SCRIB: variants seen among roughly 807,000 people sequenced by gnomAD.
SCRIB encodes scribble planar cell polarity protein.
A neutral mutation model predicts 170.0 loss-of-function variants in SCRIB; 72 were observed. The observed-to-expected ratio is 0.42, with a 90% CI of 0.35 to 0.52. SCRIB has a LOEUF of 0.52. SCRIB is among the 20% of genes least tolerant of loss of function. The pLI is 0.02. For synonymous variants in SCRIB, 1,298 were observed against 1,044.3 expected, an observed-to-expected ratio of 1.24 and a Z score of -4.68; for missense variants, 2,475 against 2,338.5, an observed-to-expected ratio of 1.06 and a Z score of -1.20.
At chr8:143,804,357 T>C (rs1483745669) in intron 21 of SCRIB, among the ~76,000 whole-genome samples, 3 of 152,230 alleles carry the variant, frequency 2.0e-5, no homozygotes, top group Non-Finnish European at 4.4e-5. Context: ...ACTGTGGCCA[T>C]GTGGCCAGCC....
At position 143,813,467 on chromosome 8, in the gene SCRIB, C is replaced by CA; in HGVS notation, c.503+2dup. 6.2e-7 allele frequency: 1 copy of CA among 1,613,274 alleles called. No homozygotes were observed. Among genetic ancestry groups the CA allele is most frequent in the Non-Finnish European group, 8.5e-7 (1 of 1,179,998 alleles). The stretch of plus-strand genomic sequence containing the variant: ...CTGTTAGGAGAATGCCTGTCACACT[C>CA]ACGCTGGCAGGGACTTGAGCAGGTT... On this transcript the variant is annotated splice_region_variant and intron_variant, in intron 5 of 36. Coordinates refer to ENST00000356994, the MANE Select transcript of SCRIB (RefSeq NM_182706.5).
At chr8:143,808,506 C>T (rs1426297507) in intron 15 of SCRIB, 103 bp downstream of exon 15, 1 of 1,395,548 alleles carries the variant, frequency 7.2e-7, no homozygotes, top group Non-Finnish European at 9.5e-7. Flanking sequence ...TCCGGGTGGC[C>T]AGGGGCCAGT....
intron 9 of SCRIB, among the ~76,000 whole-genome samples, chr8:143,811,973 A>G (rs1473649433): frequency 6.6e-6 from 1 of 152,182 alleles, no homozygotes; most frequent in African/African-American, 2.4e-5. Flanking sequence ...CTACAGACAA[A>G]TAAGTTCCCA....
chr8:143,805,582 C>T (rs1815389654), intron 18 of SCRIB, 147 bp from the exon 19 acceptor site: 1 of 826,242 alleles, frequency 1.2e-6, no homozygotes, highest in Non-Finnish European at 1.8e-6. Flanking sequence ...CACCCGAGAC[C>T]TTTAGCCACA....
intron 9 of SCRIB, 148 bp from the exon 10 acceptor site, chr8:143,811,493 C>A (rs1587543991): frequency 5.8e-6 from 4 of 689,580 alleles, no homozygotes; most frequent in Non-Finnish European, 9.8e-6. Context: ...AGGACCTGAC[C>A]ACAGAAGCTG....
chr8:143,806,076 C>G (rs1815411623), intron 18 of SCRIB, among the ~76,000 whole-genome samples: 1 of 152,306 alleles, frequency 6.6e-6, no homozygotes, highest in South Asian at 2.1e-4. Flanking sequence ...TCGGTCAGCC[C>G]AGGAGCGGCC....
chr8:143,804,913 C>CGGGGGGGGGGGGGGGGGGGGGGGGG, intron 20 of SCRIB, 21 bp downstream of exon 20: 1 of 444,104 alleles, frequency 2.3e-6, no homozygotes, highest in East Asian at 1.9e-4. Context: ...GTGGGTGGGG[C>CGGGGGGGGGGGGGGGGGGGGGGGGG]GGGGCCCCAT....
rs782209733 is a variant in SCRIB, at chr8:143,792,844, G to C, written c.4041C>G (p.Ala1347=). 7.8e-6 allele frequency: 12 copies of C among 1,532,352 alleles called. No individual in the cohort carries two copies. Among genetic ancestry groups the C allele is most frequent in the Non-Finnish European group, 9.6e-6 (11 of 1,142,362 alleles). 94.9% of individuals were successfully genotyped at this position (1,532,352 alleles called of 1,614,324 possible). A position where few individuals can be genotyped will look rare whatever the true frequency, so the allele number is the denominator to read the frequency against. ...CCCGGAAGGACAGCTGCTCCGGGGA[G>C]GCTGCAGGCCCAGGCGTGGGGGGCT... ...PAQPPTPGPA[A]SPEQLSFRER... is the part of the protein sequence containing the mutation. Residue 1347 remains alanine, a synonymous_variant, in exon 30 of 37, where the codon GCC becomes GCG. Transcript: ENST00000356994.
rs199518054 is a variant in SCRIB, at chr8:143,811,198, G to A, written c.1054C>T (p.Pro352Ser). ...LRDNRLAVLP[P>S]ELAHTTELHV... ...AGCTCTGTCGTGTGGGCCAGCTCTGGTGGCAGGACGGCCAGGCGGTTGTCC... is the reference window on the plus strand; with the variant it reads ...AGCTCTGTCGTGTGGGCCAGCTCTGATGGCAGGACGGCCAGGCGGTTGTCC... The change falls in exon 10 of 37, where the codon CCA (proline) becomes TCA (serine). Residue 352 changes from proline (P) to serine (S), a missense_variant. Transcript: ENST00000356994. 4 of 1,611,492 alleles carry A rather than the reference G, an allele frequency of 2.5e-6. No homozygotes were observed. In the East Asian group the frequency reaches 8.9e-5, roughly 36 times the overall value.
chr8:143,806,942 G>C lies in SCRIB; in HGVS notation c.2250C>G (p.Pro750=), dbSNP rs782806220. Residue 750 remains proline, a synonymous_variant, in exon 17 of 37, where the codon CCC becomes CCG. Transcript: ENST00000356994. ...TGCTCACCTCGTCGTCCCCCTTATA[G>C]GGTGTGGAGCCCTTGCCGCCCGCAA... ...ISIAGGKGST[P]YKGDDEGIFI... 3 of 1,612,550 alleles carry C rather than the reference G, an allele frequency of 1.9e-6. No individual in the cohort carries two copies. The highest frequency in any genetic ancestry group is 4.5e-5 in the East Asian group (2 of 44,826).
intron 10 of SCRIB, 30 bp downstream of exon 10, chr8:143,811,116 T>C (rs1411980025): frequency 6.2e-7 from 1 of 1,602,956 alleles, no homozygotes. Flanking sequence ...GGGGCCACGG[T>C]TAGGCCCGCA....
At position 143,793,902 on chromosome 8, in the gene SCRIB, G is replaced by C; in HGVS notation, c.3907C>G (p.Gln1303Glu). 3 of 1,613,304 alleles carry C rather than the reference G, an allele frequency of 1.9e-6. No individual in the cohort carries two copies. The highest frequency in any genetic ancestry group is 2.5e-6 in the Non-Finnish European group (3 of 1,179,574). Reference sequence around the variant, plus strand: ...ACCCGTTAACTTGGGACACTCACCTGCTGGCCACTAGGGGAGCAGGGAGAT... The same window carrying C: ...ACCCGTTAACTTGGGACACTCACCTCCTGGCCACTAGGGGAGCAGGGAGAT... ...AESPCSPSGQ[Q>E]PPSPPSPDEL... is the part of the protein sequence containing the mutation. The change falls in exon 28 of 37, where the codon CAG (glutamine) becomes GAG (glutamate). Residue 1303 changes from glutamine (Q) to glutamate (E), a missense_variant and splice_region_variant. Physicochemically the swap from Gln to Glu is conservative, Grantham distance 29. This residue lies in a region of SCRIB where 1,966 missense variants were observed against 1,742.9 expected (regional missense o/e 1.13). Transcript: ENST00000356994.
chr8:143,802,048 G>A (rs1279654980), intron 24 of SCRIB, among the ~76,000 whole-genome samples: 4 of 152,236 alleles, frequency 2.6e-5, no homozygotes, highest in Non-Finnish European at 4.4e-5. Context: ...AAAACTTCAC[G>A]AGTAAATATA....
chr8:143,809,093 A>C, intron 14 of SCRIB, 68 bp from the exon 15 acceptor site: 1 of 1,534,876 alleles, frequency 6.5e-7, no homozygotes, highest in South Asian at 1.3e-5. Flanking sequence ...GACCCTACTA[A>C]ACAGTGTGGC....
chr8:143,808,987 C>T lies in SCRIB; in HGVS notation c.1737G>A (p.Gly579=), dbSNP rs777911001. The T allele has an allele frequency of 3.7e-6, 6 of 1,613,238 alleles. No homozygotes were observed. Among genetic ancestry groups the T allele is most frequent in the Non-Finnish European group, 4.2e-6 (5 of 1,179,926 alleles). The change falls in exon 15 of 37, where the codon GGG becomes GGA. Residue 579 remains glycine, a synonymous_variant. Coordinates refer to ENST00000356994, the MANE Select transcript of SCRIB (RefSeq NM_182706.5). The stretch of plus-strand genomic sequence containing the variant: ...GCCCCTCCTCGATCTCCCTGTCATC[C>T]CCGGGCAGCAGTGCGTCCTCTGCGA... ...VHFAEDALLP[G]DDREIEEGQP... is the part of the protein sequence containing the mutation.
intron 18 of SCRIB, among the ~76,000 whole-genome samples, chr8:143,806,146 A>AGG: frequency 6.6e-6 from 1 of 152,082 alleles, no homozygotes; most frequent in Non-Finnish European, 1.5e-5. Flanking sequence ...GTAGAAAAAC[A>AGG]CACCTGTACC....
At chr8:143,814,816 G>A (rs538225860) in intron 1 of SCRIB, 3 of 211,738 alleles carry the variant, frequency 1.4e-5, no homozygotes, top group South Asian at 3.3e-4. Context: ...TACATCAAGA[G>A]GGCTCCCCCA....
rs571079437 is a variant in SCRIB at position 143,791,189 on chromosome 8, G to A, written c.4942C>T (p.Arg1648Cys). 1.3e-4 allele frequency: 189 copies of A among 1,437,826 alleles called. 1 individual carries two copies. The highest frequency in any genetic ancestry group is 5.7e-4 in the Middle Eastern group (3 of 5,246). The allele number at this position is 1,437,826 out of a possible 1,614,324, so 89.1% of individuals were successfully genotyped here. A position where few individuals can be genotyped will look rare whatever the true frequency, so the allele number is the denominator to read the frequency against. ...TAGGAGGGCACAGGGCCCAGGCCACGGCGCCCAGGCCTTACGGGGCGGCGG... is the reference window on the plus strand; with the variant it reads ...TAGGAGGGCACAGGGCCCAGGCCACAGCGCCCAGGCCTTACGGGGCGGCGG... ...SSRRPVRPGR[R>C]GLGPVPS is the part of the protein sequence containing the mutation. Residue 1648 changes from arginine (R) to cysteine (C), a missense_variant, in exon 37 of 37, where the codon CGT (arginine) becomes TGT (cysteine). Arg to Cys is a radical substitution (Grantham distance 180). This residue lies in a region of SCRIB where 22 missense variants were observed against 37.5 expected (regional missense o/e 0.59). Transcript: ENST00000356994.
In SCRIB at chr8:143,793,081, C is replaced by T. The variant is rs782446018; in HGVS notation, c.3912G>A (p.Pro1304=). Residue 1304 remains proline (P), a splice_region_variant and synonymous_variant, in exon 29 of 37, where the codon CCG becomes CCA. Transcript: ENST00000356994. ...ESPCSPSGQQ[P]PSPPSPDELP... is the part of the protein sequence containing the mutation. Reference sequence around the variant, plus strand: ...GCTCATCCGGAGAAGGCGGGGAGGGCGGCTGGGGGGTGGGGCTCTTGTGAG... The same window carrying T: ...GCTCATCCGGAGAAGGCGGGGAGGGTGGCTGGGGGGTGGGGCTCTTGTGAG... 16 of 1,325,584 alleles carry T rather than the reference C, an allele frequency of 1.2e-5. No individual in the cohort carries two copies. Among genetic ancestry groups the T allele is most frequent in the Admixed American group, 1.2e-4 (4 of 34,042 alleles). The allele number at this position is 1,325,584 out of a possible 1,614,324, so 82.1% of individuals were successfully genotyped here. A position where few individuals can be genotyped will look rare whatever the true frequency, so the allele number is the denominator to read the frequency against.
Sources: allele counts gnomAD v4.1 joint callset (sites outside exome capture counted in the v4.1 genomes callset), GRCh38; gene constraint gnomAD v4.1.1; regional missense constraint gnomAD v4.1.1; transcripts MANE v1.5; gene names NCBI Gene and HGNC (gene_info 2026-07-23, HGNC 2026-07-21).